CHM: variants seen among roughly 807,000 people sequenced by gnomAD.
CHM encodes the protein rab proteins geranylgeranyltransferase component A 1.
A neutral mutation model predicts 49.0 loss-of-function variants in CHM; 10 were observed. The ratio of observed to expected loss-of-function variants is 0.20; its 90% CI spans 0.13 to 0.35. The LOEUF is 0.35. Among genes scored for constraint, CHM ranks in the 10% least tolerant of loss-of-function variants. The pLI is 1.00. For missense variants in CHM, 455 were observed against 478.4 expected (o/e 0.95, Z 0.46); for synonymous variants, 184 against 167.5 (o/e 1.10, Z -0.76).
At chrX:85,913,332 A>AAAAAAG (rs762266365) in intron 8 of CHM, among the ~76,000 whole-genome samples, 20 of 23,406 alleles carry the variant, frequency 8.5e-4, no homozygotes, top group Non-Finnish European at 1.3e-3. Context: ...AAAAAAAAAA[A>AAAAAAG]AAAGAAAGAA....
At chrX:85,920,972 A>C (rs1927761280) in intron 8 of CHM, among the ~76,000 whole-genome samples, 1 of 112,261 alleles carries the variant, frequency 8.9e-6, no homozygotes, top group African/African-American at 3.2e-5. Context: ...GTACATGTTT[A>C]TTCTGTCTGT....
At chrX:85,991,655 C>A (rs1932194297) in intron 2 of CHM, among the ~76,000 whole-genome samples, 1 of 111,549 alleles carries the variant, frequency 9.0e-6, no homozygotes, top group African/African-American at 3.2e-5. Flanking sequence ...TATATGATGG[C>A]TTCTCAGCAC....
chrX:85,899,309 T>C (rs945368331), intron 11 of CHM, among the ~76,000 whole-genome samples: 1 of 111,198 alleles, frequency 9.0e-6, no homozygotes, highest in African/African-American at 3.3e-5. Context: ...GTAAATACCA[T>C]AACCGGGGAC....
chrX:85,984,611 CAT>C (rs1438014262), intron 2 of CHM, among the ~76,000 whole-genome samples: 1 of 111,565 alleles, frequency 9.0e-6, no homozygotes, highest in Non-Finnish European at 1.9e-5. Flanking sequence ...GGAAATTACA[CAT>C]GAGAAAAGCA....
rs766345967 is a variant in CHM, at chrX:86,043,231, C to G, written c.49+4253G>C. Among the ~76,000 whole-genome samples the G allele has an allele frequency of 9.9e-5, 11 of 110,922 alleles. No individual in the cohort carries two copies. In the East Asian group the frequency reaches 3.2e-3, roughly 32 times the overall value. ...TGTCACAAGAAATTCTGTAATTTTC[C>G]CAAAATCACACAATAGGATGGTCAT... On this transcript the variant is annotated intron_variant, in intron 1 of 14. Transcript: ENST00000357749.
intron 9 of CHM, chrX:85,903,486 G>C (rs1225094875): frequency 3.0e-6 from 1 of 329,127 alleles, no homozygotes; most frequent in Admixed American, 3.4e-5. Flanking sequence ...TATGATATTA[G>C]AAAGAACTAA....
At position 85,964,128 on chromosome X, in the gene CHM, G is replaced by A. The variant is rs1051032668; in HGVS notation, c.315-76C>T. 6.4e-6 allele frequency: 6 copies of A among 938,499 alleles called. No individual in the cohort carries two copies. In the South Asian group the frequency reaches 9.4e-5, roughly 15 times the overall value. The allele number at this position is 938,499 out of a possible 1,213,427, so 77.3% of individuals were successfully genotyped here. A position where few individuals can be genotyped will look rare whatever the true frequency, so the allele number is the denominator to read the frequency against. On this transcript the variant is annotated intron_variant, in intron 4 of 14. Transcript: ENST00000357749. The stretch of plus-strand genomic sequence containing the variant: ...ACCCCTTTTATCAAGTTCAGTGTAC[G>A]TTTTGCTTATGTGACTCAGACATTA...
intron 2 of CHM, among the ~76,000 whole-genome samples, chrX:86,025,763 G>A (rs151095568): frequency 0.013 from 1,404 of 108,840 alleles, 13 homozygotes; most frequent in Non-Finnish European, 0.023. Flanking sequence ...AAGTAAATCT[G>A]AAACTAAAAT....
At chrX:85,887,963 T>C (rs1226701745) in intron 12 of CHM, among the ~76,000 whole-genome samples, 2 of 112,135 alleles carry the variant, frequency 1.8e-5, no homozygotes, top group African/African-American at 6.5e-5. Context: ...CATAAAAGTT[T>C]GGAAAATTTG....
At chrX:86,023,115 C>T (rs964830656) in intron 2 of CHM, among the ~76,000 whole-genome samples, 10 of 111,436 alleles carry the variant, frequency 9.0e-5, no homozygotes, top group Non-Finnish European at 1.9e-4. Context: ...GTCTGCCTAC[C>T]TTTCTCCAAC....
At chrX:85,929,138 C>G (rs1016200589) in intron 8 of CHM, among the ~76,000 whole-genome samples, 4 of 111,836 alleles carry the variant, frequency 3.6e-5, no homozygotes, top group African/African-American at 1.3e-4. Flanking sequence ...AAGCAAGCAG[C>G]AATGATGTGT....
intron 13 of CHM, among the ~76,000 whole-genome samples, chrX:85,877,328 A>G (rs2148124796): frequency 8.9e-6 from 1 of 111,740 alleles, no homozygotes; most frequent in South Asian, 3.7e-4. Flanking sequence ...GTTAAGTGAA[A>G]TAAGCTAGGC....
At chrX:85,943,016 T>C (rs1034688332) in intron 8 of CHM, among the ~76,000 whole-genome samples, 1 of 104,705 alleles carries the variant, frequency 9.6e-6, no homozygotes, top group Non-Finnish European at 1.9e-5. Flanking sequence ...CAGTGTTTGG[T>C]TTTTTGTCCT....
intron 9 of CHM, among the ~76,000 whole-genome samples, chrX:85,909,708 G>A (rs1926816206): frequency 8.9e-6 from 1 of 111,783 alleles, no homozygotes; most frequent in Non-Finnish European, 1.9e-5. Flanking sequence ...GTTCAACAAA[G>A]GCAATTACTA....
intron 11 of CHM, among the ~76,000 whole-genome samples, chrX:85,898,052 G>A (rs892644809): frequency 1.8e-5 from 2 of 111,102 alleles, no homozygotes; most frequent in African/African-American, 6.6e-5. Flanking sequence ...GTAAGAGAAT[G>A]AAAGAGCTGG....
intron 12 of CHM, among the ~76,000 whole-genome samples, chrX:85,885,402 C>A (rs1925024338): frequency 9.1e-6 from 1 of 109,774 alleles, no homozygotes; most frequent in African/African-American, 3.3e-5. Context: ...TTTAAAACTA[C>A]AAAAAGGCTT....
chrX:85,931,602 G>A (rs1928440785), intron 8 of CHM, among the ~76,000 whole-genome samples: 1 of 111,320 alleles, frequency 9.0e-6, no homozygotes, highest in Non-Finnish European at 1.9e-5. Context: ...GATCTACTAT[G>A]AATTTCATGC....
intron 4 of CHM, among the ~76,000 whole-genome samples, chrX:85,966,442 G>A (rs1183720926): frequency 9.0e-6 from 1 of 110,704 alleles, no homozygotes; most frequent in Non-Finnish European, 1.9e-5. Flanking sequence ...TAGGTTTTCT[G>A]CATTCACATG....
intron 12 of CHM, among the ~76,000 whole-genome samples, chrX:85,886,741 T>C (rs1025925982): frequency 9.1e-6 from 1 of 110,010 alleles, no homozygotes; most frequent in African/African-American, 3.3e-5. Flanking sequence ...CAAGAAAATA[T>C]ATCATTAAAG....
Sources: gnomAD v4.1 joint callset for allele counts (sites outside exome capture counted in the v4.1 genomes callset) on GRCh38, gnomAD v4.1.1 for gene constraint, MANE v1.5 for transcripts, NCBI Gene and HGNC (gene_info 2026-07-23, HGNC 2026-07-21) for gene names.